The following RELCH variants were observed in gnomAD, a reference collection of about 807,000 sequenced individuals.
RELCH encodes RAB11 binding and LisH domain, coiled-coil and HEAT repeat containing.
In RELCH, 41 loss-of-function variants were observed where a neutral mutation model predicts 150.3. The observed-to-expected ratio is 0.27, with a 90% CI of 0.21 to 0.35. The LOEUF (loss-of-function observed/expected upper bound fraction) is 0.35. Among genes scored for constraint, RELCH ranks in the 10% least tolerant of loss-of-function variants. The probability of loss-of-function intolerance (pLI) is 1.00; values close to 1 mark genes in which losing one functional copy is unlikely to be tolerated. For synonymous variants in RELCH, 478 were observed against 531.8 expected (o/e 0.90, Z 1.39); for missense variants, 1,092 against 1,467.8 (o/e 0.74, Z 4.18).
intron 25 of RELCH, among the ~76,000 whole-genome samples, chr18:62,282,937 C>A (rs1027677584): frequency 6.6e-6 from 1 of 152,106 alleles, no homozygotes; most frequent in Non-Finnish European, 1.5e-5. Flanking sequence ...GGATTACAGG[C>A]GTGAACCACC....
chr18:62,261,386 T>G (rs1368105090), intron 15 of RELCH, 125 bp from the exon 16 acceptor site: 1 of 742,938 alleles, frequency 1.3e-6, no homozygotes, highest in Non-Finnish European at 2.1e-6. Context: ...TACTGCTTGT[T>G]TGAGTCCAAC....
At chr18:62,304,046 TAGAA>T (rs1393189222) in intron 28 of RELCH, among the ~76,000 whole-genome samples, 12 of 152,116 alleles carry the variant, frequency 7.9e-5, no homozygotes, top group Non-Finnish European at 1.6e-4. Context: ...AATTCACTGT[TAGAA>T]AGAGAGGAAA....
intron 2 of RELCH, among the ~76,000 whole-genome samples, chr18:62,215,277 G>A (rs561428339): frequency 8.5e-5 from 13 of 152,230 alleles, no homozygotes; most frequent in Admixed American, 5.2e-4. Flanking sequence ...AAAAGAAGAA[G>A]AATAAAGAGA....
In RELCH at chr18:62,241,825, T is replaced by G. The variant is rs576918231; in HGVS notation, c.1621-2939T>G. On this transcript the variant is annotated intron_variant, in intron 10 of 28. Coordinates refer to ENST00000644646, the MANE Select transcript of RELCH (RefSeq NM_001346231.2). The stretch of plus-strand genomic sequence containing the variant: ...AAATTCTGGTGTGGATTTATTAGTG[T>G]TTCAGAGGCTTGAAAGATGAATTCA... Among the ~76,000 whole-genome samples the G allele has an allele frequency of 1.2e-3, 180 of 152,302 alleles. 1 individual carries two copies. Among genetic ancestry groups the G allele is most frequent in the Middle Eastern group, 6.8e-3 (2 of 294 alleles).
intron 10 of RELCH, among the ~76,000 whole-genome samples, chr18:62,233,197 T>C (rs532214856): frequency 4.1e-4 from 61 of 149,974 alleles, no homozygotes; most frequent in Non-Finnish European, 7.1e-4. Context: ...TAAATGACAG[T>C]GGATGTTTGC....
chr18:62,275,916 G>A (rs865971381), intron 22 of RELCH, among the ~76,000 whole-genome samples: 10 of 151,962 alleles, frequency 6.6e-5, no homozygotes, highest in Admixed American at 1.3e-4. Flanking sequence ...TTACTCCTAC[G>A]TCACTATTCC....
chr18:62,304,083 G>C (rs2045781854), intron 28 of RELCH, among the ~76,000 whole-genome samples: 2 of 149,472 alleles, frequency 1.3e-5, no homozygotes, highest in South Asian at 4.2e-4. Flanking sequence ...CTGGCAAAAA[G>C]AGGGGGGAGT....
chr18:62,213,637 G>A (rs1197360411), intron 2 of RELCH, among the ~76,000 whole-genome samples: 1 of 149,522 alleles, frequency 6.7e-6, no homozygotes, highest in Non-Finnish European at 1.5e-5. Context: ...GGCTGAGACA[G>A]GAGAATTGCT....
At chr18:62,197,502 A>C (rs2148212382) in intron 1 of RELCH, among the ~76,000 whole-genome samples, 1 of 152,274 alleles carries the variant, frequency 6.6e-6, no homozygotes, top group South Asian at 2.1e-4. Context: ...AAAATACACA[A>C]TACTTATATC....
intron 1 of RELCH, 61 bp from the exon 2 acceptor site, chr18:62,211,092 A>G (rs1468616084): frequency 2.4e-6 from 2 of 847,290 alleles, no homozygotes; most frequent in Middle Eastern, 3.6e-4. Flanking sequence ...TAAGTATTTG[A>G]ATTCCTGTTC....
intron 2 of RELCH, among the ~76,000 whole-genome samples, chr18:62,212,722 C>T (rs1417060383): frequency 1.3e-5 from 2 of 152,136 alleles, no homozygotes; most frequent in Non-Finnish European, 2.9e-5. Context: ...AGTAGCAGAG[C>T]TAGGATTCAA....
intron 5 of RELCH, among the ~76,000 whole-genome samples, chr18:62,226,475 G>GT (rs1568342803): frequency 6.6e-6 from 1 of 152,020 alleles, no homozygotes; most frequent in Non-Finnish European, 1.5e-5. Context: ...AGATTAAATT[G>GT]TTTCCCTACC....
chr18:62,298,207 T>C (rs1174501216), intron 27 of RELCH, among the ~76,000 whole-genome samples: 1 of 152,208 alleles, frequency 6.6e-6, no homozygotes, highest in Non-Finnish European at 1.5e-5. Flanking sequence ...ATTCATTTTC[T>C]GGTGTGGTTG....
chr18:62,241,283 C>T (rs1250559163), intron 10 of RELCH, among the ~76,000 whole-genome samples: 2 of 152,136 alleles, frequency 1.3e-5, no homozygotes, highest in African/African-American at 2.4e-5. Context: ...CTCAGAGCAA[C>T]ACCAGCCCCA....
rs931058527 is a variant in RELCH, at chr18:62,289,460, G to T, written c.3370+1993G>T. ...AATAAGTCGAGAAGTCATGTTTAAGGAAAGTTTGAAGGAATTTAGGAATGT... is the reference window on the plus strand; with the variant it reads ...AATAAGTCGAGAAGTCATGTTTAAGTAAAGTTTGAAGGAATTTAGGAATGT... On this transcript the variant is annotated intron_variant, in intron 26 of 28. Coordinates refer to ENST00000644646, the MANE Select transcript of RELCH (RefSeq NM_001346231.2). Among the ~76,000 whole-genome samples, 27 of 152,150 alleles carry T rather than the reference G, an allele frequency of 1.8e-4. 1 individual carries two copies. The highest frequency in any genetic ancestry group is 1.6e-3 in the Admixed American group (24 of 15,272).
intron 11 of RELCH, among the ~76,000 whole-genome samples, chr18:62,248,228 C>CAA (rs2042521932): frequency 6.6e-6 from 1 of 152,148 alleles, no homozygotes; most frequent in African/African-American, 2.4e-5. Context: ...AACTTTGCTG[C>CAA]AACCCTTTAA....
intron 1 of RELCH, among the ~76,000 whole-genome samples, chr18:62,190,402 C>T (rs1021775039): frequency 2.0e-5 from 3 of 152,032 alleles, no homozygotes; most frequent in East Asian, 1.9e-4. Context: ...CATGGTGAAA[C>T]CCCTTCTCTA....
At chr18:62,252,872 T>G (rs1429178171) in intron 12 of RELCH, 118 bp downstream of exon 12, 11 of 727,970 alleles carry the variant, frequency 1.5e-5, no homozygotes, top group Non-Finnish European at 2.6e-5. Context: ...TGCTGATGTT[T>G]CTGTAGCCCA....
At chr18:62,280,240 G>T in intron 23 of RELCH, 1 of 751,482 alleles carries the variant, frequency 1.3e-6, no homozygotes, top group South Asian at 1.6e-5. Flanking sequence ...TTAATGTCTC[G>T]TGTGGATGAC....
Sources: gnomAD v4.1 joint callset for allele counts (sites outside exome capture counted in the v4.1 genomes callset) on GRCh38, gnomAD v4.1.1 for gene constraint, MANE v1.5 for transcripts, NCBI Gene and HGNC (gene_info 2026-07-23, HGNC 2026-07-21) for gene names.